The following DAB1 variants were observed in gnomAD, a reference collection of about 807,000 sequenced individuals.
The protein encoded by DAB1 is DAB adaptor protein 1.
A neutral mutation model predicts 64.6 loss-of-function variants in DAB1; 15 were observed. The ratio of observed to expected loss-of-function variants is 0.23; its 90% CI spans 0.16 to 0.36. DAB1 has a LOEUF of 0.36. Among genes scored for constraint, DAB1 ranks in the 10% least tolerant of loss-of-function variants. The pLI, the probability that DAB1 is intolerant of heterozygous loss-of-function variation, is 1.00. For missense variants in DAB1, 596 were observed against 706.7 expected (o/e 0.84, Z 1.78); for synonymous variants, 235 against 251.9 (o/e 0.93, Z 0.64).
chr1:57,294,469 T>TC (rs1453722871), intron 1 of DAB1, among the ~76,000 whole-genome samples: 2 of 151,914 alleles, frequency 1.3e-5, no homozygotes, highest in Non-Finnish European at 2.9e-5. Context: ...ATATGCCTTT[T>TC]TTTTTTAAAC....
intron 6 of DAB1, among the ~76,000 whole-genome samples, chr1:57,680,009 G>A (rs1646617720): frequency 6.6e-6 from 1 of 152,168 alleles, no homozygotes; most frequent in Non-Finnish European, 1.5e-5. Flanking sequence ...TTAGAACCCA[G>A]TTCTTCCTGA....
chr1:57,298,997 C>G lies in DAB1; in HGVS notation c.-136-7831G>C, dbSNP rs17422039. Among the ~76,000 whole-genome samples, 1,159 of 152,242 alleles carry G rather than the reference C, an allele frequency of 7.6e-3. 30 individuals carry two copies. In the East Asian group the frequency reaches 0.08, roughly 11 times the overall value. ...TCACAAATGTCAACATAAGCAGTGTCTCTATAAAATTCTGAAAGAGAATAT... is the reference window on the plus strand; with the variant it reads ...TCACAAATGTCAACATAAGCAGTGTGTCTATAAAATTCTGAAAGAGAATAT... On this transcript the variant is annotated intron_variant, in intron 1 of 14. Coordinates refer to ENST00000371236, the MANE Select transcript of DAB1 (RefSeq NM_001365792.1).
chr1:57,532,460 T>A (rs1644676097), intron 7 of DAB1, among the ~76,000 whole-genome samples: 1 of 152,238 alleles, frequency 6.6e-6, no homozygotes, highest in Non-Finnish European at 1.5e-5. Context: ...ATTTGGTTTA[T>A]CTTTCCCATT....
intron 7 of DAB1, among the ~76,000 whole-genome samples, chr1:57,642,243 T>C (rs985596752): frequency 6.6e-5 from 10 of 152,264 alleles, no homozygotes; most frequent in African/African-American, 2.2e-4. Context: ...ATATACCATG[T>C]TAAGTGATTT....
At chr1:57,408,559 C>T (rs56156700) in intron 1 of DAB1, among the ~76,000 whole-genome samples, 2,135 of 152,240 alleles carry the variant, frequency 0.014, 22 homozygotes, top group African/African-American at 0.023. Flanking sequence ...TGCATGGTCC[C>T]ACTGCTGCTG....
At chr1:58,164,040 G>A (rs1008232169) in intron 4 of DAB1, among the ~76,000 whole-genome samples, 1 of 151,998 alleles carries the variant, frequency 6.6e-6, no homozygotes, top group African/African-American at 2.4e-5. Flanking sequence ...ATGCAAACAC[G>A]TGGCAACCCT....
intron 4 of DAB1, among the ~76,000 whole-genome samples, chr1:58,180,497 GT>G (rs1011926084): frequency 1.3e-5 from 2 of 151,566 alleles, no homozygotes; most frequent in Non-Finnish European, 1.5e-5. Flanking sequence ...CTCTCACTAT[GT>G]TGCCCAGGCT....
At chr1:57,256,792 T>A (rs1383850841) in intron 2 of DAB1, among the ~76,000 whole-genome samples, 1 of 152,198 alleles carries the variant, frequency 6.6e-6, no homozygotes, top group Non-Finnish European at 1.5e-5. Context: ...GGACAAGCCT[T>A]GGCTTTCTCC....
At chr1:57,210,234 C>T (rs113216054) in intron 2 of DAB1, among the ~76,000 whole-genome samples, 2,572 of 152,196 alleles carry the variant, frequency 0.017, 64 homozygotes, top group African/African-American at 0.057. Context: ...GGGGATGTAA[C>T]ATTTCCATTA....
chr1:57,298,555 C>T (rs1431222367), intron 1 of DAB1, among the ~76,000 whole-genome samples: 2 of 151,844 alleles, frequency 1.3e-5, no homozygotes. Context: ...GGGGAGAAAA[C>T]GAATCACAAA....
chr1:58,494,516 T>C (rs1450846418), intron 3 of DAB1, among the ~76,000 whole-genome samples: 3 of 152,116 alleles, frequency 2.0e-5, no homozygotes, highest in African/African-American at 7.2e-5. Context: ...TGCAATCTAC[T>C]CAACTGACAA....
chr1:57,439,177 C>T (rs989039530), intron 7 of DAB1, among the ~76,000 whole-genome samples: 17 of 151,914 alleles, frequency 1.1e-4, no homozygotes, highest in Admixed American at 3.9e-4. Context: ...AGTATGTAGC[C>T]CAGAAAGCAA....
At chr1:57,431,143 C>CACAAAAAAAA (rs749097562) in intron 7 of DAB1, among the ~76,000 whole-genome samples, 3 of 96,408 alleles carry the variant, frequency 3.1e-5, no homozygotes, top group Admixed American at 1.1e-4. Flanking sequence ...AGGCCAAAAA[C>CACAAAAAAAA]AAAAAAAAAA....
chr1:57,432,373 C>T (rs1685549431), intron 7 of DAB1, among the ~76,000 whole-genome samples: 1 of 151,930 alleles, frequency 6.6e-6, no homozygotes, highest in Non-Finnish European at 1.5e-5. Context: ...CCTAAACCAG[C>T]TCCAGAGTTG....
intron 1 of DAB1, chr1:57,881,019 T>A (rs1644135665): frequency 6.6e-6 from 1 of 152,240 alleles, no homozygotes; most frequent in Admixed American, 6.5e-5. Context: ...AAGTTGCTTC[T>A]AGTTGAATGA....
At position 57,489,936 on chromosome 1, in the gene DAB1, G is replaced by T. The variant is rs549806750; in HGVS notation, n.625+159656C>A. Among the ~76,000 whole-genome samples the T allele has an allele frequency of 9.1e-4, 138 of 152,254 alleles. 1 individual carries two copies. Among genetic ancestry groups the T allele is most frequent in the African/African-American group, 3.2e-3 (133 of 41,538 alleles). ...CTAATTGCCAATGTGATCCATTTAG[G>T]AGGGGAGACCTTTGGGAGGTTATTA... On this transcript the variant is annotated intron_variant and non_coding_transcript_variant, in intron 7 of 20. Transcript: ENST00000485760.
chr1:58,016,194 A>G (rs1389977516), intron 5 of DAB1, among the ~76,000 whole-genome samples: 1 of 152,156 alleles, frequency 6.6e-6, no homozygotes, highest in Non-Finnish European at 1.5e-5. Flanking sequence ...AAAAGTAAAT[A>G]TTTTAGGCTT....
At chr1:57,070,934 C>T (rs752925636) in intron 7 of DAB1, 89 bp downstream of exon 7, 2 of 1,146,040 alleles carry the variant, frequency 1.7e-6, no homozygotes, top group East Asian at 4.7e-5. Context: ...GTTTTGCAGT[C>T]AGTGGATTCT....
At chr1:58,131,421 G>C (rs1204175147) in intron 5 of DAB1, among the ~76,000 whole-genome samples, 1 of 145,088 alleles carries the variant, frequency 6.9e-6, no homozygotes, top group Non-Finnish European at 1.5e-5. Flanking sequence ...CCATAGCTCA[G>C]AGTAATTTGA....
Sources: allele counts gnomAD v4.1 joint callset (sites outside exome capture counted in the v4.1 genomes callset), GRCh38; gene constraint gnomAD v4.1.1; transcripts MANE v1.5; gene names NCBI Gene and HGNC (gene_info 2026-07-23, HGNC 2026-07-21).